SNX29: variants seen among roughly 807,000 people sequenced by gnomAD.
The protein encoded by SNX29 is sorting nexin-29.
In SNX29, 78 loss-of-function variants were observed where a neutral mutation model predicts 102.1. The observed-to-expected ratio is 0.76, with a 90% CI of 0.64 to 0.92. SNX29 has a LOEUF of 0.92. Among genes scored for constraint, SNX29 ranks in the 40% least tolerant of loss-of-function variants. The probability of loss-of-function intolerance (pLI) is 0.00; values close to 1 mark genes in which losing one functional copy is unlikely to be tolerated. For missense variants in SNX29, 1,280 were observed against 1,061.7 expected, an observed-to-expected ratio of 1.21 and a Z score of -2.86; for synonymous variants, 580 against 414.5, an observed-to-expected ratio of 1.40 and a Z score of -4.85.
chr16:12,304,360 C>T lies in SNX29; in HGVS notation c.1782+26324C>T, dbSNP rs571189437. Among the ~76,000 whole-genome samples, 256 of 152,328 alleles carry T rather than the reference C, an allele frequency of 1.7e-3. 2 individuals are homozygous for T. Among genetic ancestry groups the T allele is most frequent in the African/African-American group, 5.8e-3 (241 of 41,570 alleles). On this transcript the variant is annotated intron_variant, in intron 15 of 20. Coordinates refer to ENST00000566228, the MANE Select transcript of SNX29 (RefSeq NM_032167.5). ...AGATCTTGGCTCACTGCAGCCTCTGCCTCCCAGGTTCAAGCGATTCTCCTG... is the reference window on the plus strand; with the variant it reads ...AGATCTTGGCTCACTGCAGCCTCTGTCTCCCAGGTTCAAGCGATTCTCCTG...
At chr16:12,297,872 A>T (rs80189035) in intron 15 of SNX29, among the ~76,000 whole-genome samples, 350 of 152,278 alleles carry the variant, frequency 2.3e-3, no homozygotes, top group Non-Finnish European at 3.6e-3. Context: ...GAAGTGGAAC[A>T]ATAATAGCAC....
rs1596726049 is a variant in SNX29, at chr16:12,058,798, T to G, written c.1125-2730T>G. On this transcript the variant is annotated intron_variant, in intron 8 of 20. Transcript: ENST00000566228. ...TGTGAGCCACAGCACCCGGCCTGGG[T>G]TTTTTTTTTTTTTTTTTTTTTTTTT... Among the ~76,000 whole-genome samples, 4 of 19,648 alleles carry G rather than the reference T, an allele frequency of 2.0e-4. No homozygotes were observed. In the South Asian group the frequency reaches 3.4e-3, roughly 17 times the overall value. 12.9% of individuals were successfully genotyped at this position (19,648 alleles called of 152,430 possible).
intron 11 of SNX29, among the ~76,000 whole-genome samples, chr16:12,117,234 T>C (rs1244893574): frequency 1.4e-5 from 2 of 143,860 alleles, no homozygotes; most frequent in Non-Finnish European, 3.0e-5. Flanking sequence ...CAATACGTGC[T>C]TCAATGCGGA....
At chr16:12,439,893 G>T (rs563169653) in intron 18 of SNX29, among the ~76,000 whole-genome samples, 11 of 152,334 alleles carry the variant, frequency 7.2e-5, no homozygotes, top group African/African-American at 2.4e-4. Flanking sequence ...ATGCCAAGTG[G>T]TATTTTCCTG....
chr16:12,250,944 G>C (rs1305737101), intron 14 of SNX29, among the ~76,000 whole-genome samples: 1 of 152,244 alleles, frequency 6.6e-6, no homozygotes, highest in Admixed American at 6.5e-5. Flanking sequence ...AGGCCGCGAG[G>C]TACTGGGAAG....
chr16:12,024,779 A>T (rs555267001), intron 3 of SNX29, among the ~76,000 whole-genome samples: 1 of 152,206 alleles, frequency 6.6e-6, no homozygotes, highest in African/African-American at 2.4e-5. Flanking sequence ...ACTAATAGCA[A>T]TTGTTGAGTT....
At chr16:12,312,213 G>C (rs903818664) in intron 15 of SNX29, among the ~76,000 whole-genome samples, 1 of 152,194 alleles carries the variant, frequency 6.6e-6, no homozygotes, top group Non-Finnish European at 1.5e-5. Context: ...TGCTTGATCT[G>C]TATTTGATGA....
intron 13 of SNX29, among the ~76,000 whole-genome samples, chr16:12,144,363 T>C (rs901244775): frequency 2.0e-5 from 3 of 152,210 alleles, no homozygotes; most frequent in African/African-American, 7.2e-5. Flanking sequence ...ATAAACAACA[T>C]GTAGGTTTGT....
intron 19 of SNX29, among the ~76,000 whole-genome samples, chr16:12,513,528 C>G (rs1251350193): frequency 6.6e-6 from 1 of 152,076 alleles, no homozygotes; most frequent in East Asian, 1.9e-4. Flanking sequence ...CTCTTCTGTC[C>G]ATGCCTGGTG....
chr16:12,496,507 C>CTTTTTTTT (rs537441350), intron 19 of SNX29, among the ~76,000 whole-genome samples: 4 of 115,196 alleles, frequency 3.5e-5, no homozygotes, highest in African/African-American at 1.5e-4. Context: ...GCTCTCATGG[C>CTTTTTTTT]TTTTTTTTTT....
intron 15 of SNX29, among the ~76,000 whole-genome samples, chr16:12,292,098 A>C (rs535186008): frequency 1.3e-5 from 2 of 152,312 alleles, no homozygotes; most frequent in Non-Finnish European, 2.9e-5. Flanking sequence ...GATAGTGCAG[A>C]AATGTTCATT....
intron 16 of SNX29, among the ~76,000 whole-genome samples, chr16:12,361,951 C>T (rs144176751): frequency 2.6e-5 from 4 of 152,272 alleles, no homozygotes; most frequent in South Asian, 2.1e-4. Context: ...CGCTTTATTG[C>T]GCCTATACAT....
intron 18 of SNX29, among the ~76,000 whole-genome samples, chr16:12,475,529 A>C (rs543427965): frequency 6.6e-6 from 1 of 152,158 alleles, no homozygotes; most frequent in Admixed American, 6.5e-5. Flanking sequence ...GCCCATTGTG[A>C]GTTGAAAATA....
intron 1 of SNX29, among the ~76,000 whole-genome samples, chr16:11,997,898 C>T (rs1053237312): frequency 1.3e-5 from 2 of 152,200 alleles, no homozygotes; most frequent in Admixed American, 6.5e-5. Flanking sequence ...CTGGGTGGAT[C>T]AACACACACA....
At position 12,571,107 on chromosome 16, in the gene SNX29, A is replaced by C. The variant is rs917199970; in HGVS notation, c.*2478A>C. ...AACTCCCCGAAGCCTTCCCTTTGGA[A>C]TCCCATAGAATGTTCTGCAATGATT... On this transcript the variant is annotated 3_prime_UTR_variant, in exon 21 of 21. Transcript: ENST00000566228. 4.3e-6 allele frequency: 1 copy of C among 232,424 alleles called. No homozygotes were observed. The highest frequency in any genetic ancestry group is 2.2e-5 in the African/African-American group (1 of 45,292). The allele number at this position is 232,424 out of a possible 1,614,324, so 14.4% of individuals were successfully genotyped here. A position where few individuals can be genotyped will look rare whatever the true frequency, so the allele number is the denominator to read the frequency against.
At chr16:12,462,000 T>TAA (rs2086814011) in intron 18 of SNX29, among the ~76,000 whole-genome samples, 1 of 67,858 alleles carries the variant, frequency 1.5e-5, no homozygotes, top group African/African-American at 7.8e-5. Context: ...TATATATATA[T>TAA]ATATATATAT....
intron 18 of SNX29, among the ~76,000 whole-genome samples, chr16:12,434,748 A>G (rs982207105): frequency 1.6e-4 from 24 of 152,206 alleles, no homozygotes; most frequent in African/African-American, 4.8e-4. Context: ...TACAGGTCAG[A>G]CAGGCCTTTG....
intron 19 of SNX29, among the ~76,000 whole-genome samples, chr16:12,486,922 A>G (rs2088271470): frequency 2.0e-5 from 3 of 152,126 alleles, no homozygotes; most frequent in African/African-American, 7.2e-5. Flanking sequence ...TTATTTGTGC[A>G]TTTATTCTTT....
rs565050765 is a variant in SNX29, at chr16:12,048,151, GT to G, written c.500-207del. Among the ~76,000 whole-genome samples the G allele has an allele frequency of 1.7e-3, 232 of 139,328 alleles. No homozygotes were observed. The South Asian group carries it at 0.02, about 12-fold the overall frequency. The allele number at this position is 139,328 out of a possible 152,430, so 91.4% of individuals were successfully genotyped here. ...TCTGCTGACCCCAGTTTCATGGGAG[GT>G]TTTTTTTTTTTTTGAGGCAGAGTCT... On this transcript the variant is annotated intron_variant, in intron 6 of 20. Coordinates refer to ENST00000566228, the MANE Select transcript of SNX29 (RefSeq NM_032167.5).
Sources: allele counts gnomAD v4.1 joint callset (sites outside exome capture counted in the v4.1 genomes callset), GRCh38; gene constraint gnomAD v4.1.1; transcripts MANE v1.5; gene names NCBI Gene and HGNC (gene_info 2026-07-23, HGNC 2026-07-21).